The following HMGCLL1 variants were observed in gnomAD, a reference collection of about 807,000 sequenced individuals.
HMGCLL1 encodes the protein 3-hydroxy-3-methylglutaryl-CoA lyase like 1, also known as 3-hydroxymethyl-3-methylglutaryl-CoA lyase, cytoplasmic.
In HMGCLL1, 36 loss-of-function variants were observed where a neutral mutation model predicts 39.1. The ratio of observed to expected loss-of-function variants is 0.92; its 90% CI spans 0.71 to 1.22. The LOEUF is 1.22. Ranked by LOEUF, HMGCLL1 falls within the 50% of genes most tolerant of loss-of-function variation. The pLI, the probability that HMGCLL1 is intolerant of heterozygous loss-of-function variation, is 0.00. For synonymous variants in HMGCLL1, 149 were observed against 144.0 expected (o/e 1.03, Z -0.25); for missense variants, 451 against 416.5 (o/e 1.08, Z -0.72).
At chr6:55,524,449 G>C (rs1332955119) in intron 3 of HMGCLL1, among the ~76,000 whole-genome samples, 4 of 131,606 alleles carry the variant, frequency 3.0e-5, no homozygotes, top group African/African-American at 1.1e-4. Context: ...GTTGTATTTG[G>C]CATTTATAGT....
At chr6:55,602,765 C>A in the HMGCLL1 span, among the ~76,000 whole-genome samples, 1 of 151,902 alleles carries the variant, frequency 6.6e-6, no homozygotes. Flanking sequence ...TGTATTGAAA[C>A]CAATTGGAAA....
intron 7 of HMGCLL1, among the ~76,000 whole-genome samples, chr6:55,458,680 T>A (rs546492740): frequency 6.6e-6 from 1 of 152,296 alleles, no homozygotes; most frequent in African/African-American, 2.4e-5. Flanking sequence ...GGGCCGTGTC[T>A]TATGAATAAG....
chr6:55,499,140 A>G lies in HMGCLL1; in HGVS notation c.606+96T>C. 1.2e-5 allele frequency: 11 copies of G among 940,816 alleles called. 1 individual carries two copies. The South Asian group carries it at 1.5e-4, about 12-fold the overall frequency. 58.3% of individuals were successfully genotyped at this position (940,816 alleles called of 1,614,324 possible). A position where few individuals can be genotyped will look rare whatever the true frequency, so the allele number is the denominator to read the frequency against. ...GGTTCGCCTCTTAATCCATGGCTTC[A>G]TGCTATGCAGATTCAATAAATATTA... On this transcript the variant is annotated intron_variant, in intron 6 of 8. Coordinates refer to ENST00000274901, the MANE Select transcript of HMGCLL1 (RefSeq NM_001042406.2).
chr6:55,660,540 C>T, the HMGCLL1 span, among the ~76,000 whole-genome samples: 1 of 151,914 alleles, frequency 6.6e-6, no homozygotes, highest in African/African-American at 2.4e-5. Flanking sequence ...CTGCAAAAGG[C>T]ATGATCTCAT....
intron 7 of HMGCLL1, among the ~76,000 whole-genome samples, chr6:55,469,267 C>A (rs1346887087): frequency 6.6e-6 from 1 of 150,722 alleles, no homozygotes; most frequent in East Asian, 1.9e-4. Flanking sequence ...AAGCCCATAA[C>A]ATGGAAGTAC....
chr6:55,545,150 C>A (rs1277613009), intron 1 of HMGCLL1, among the ~76,000 whole-genome samples: 1 of 145,404 alleles, frequency 6.9e-6, no homozygotes, highest in African/African-American at 2.6e-5. Flanking sequence ...TGCATTTCAA[C>A]AACAATTAGC....
At chr6:55,613,900 T>A in the HMGCLL1 span, among the ~76,000 whole-genome samples, 1 of 151,840 alleles carries the variant, frequency 6.6e-6, no homozygotes, top group Non-Finnish European at 1.5e-5. Flanking sequence ...GAACAAACCT[T>A]CACATTCTAC....
At chr6:55,553,369 C>T (rs1316629797) in intron 1 of HMGCLL1, among the ~76,000 whole-genome samples, 1 of 150,948 alleles carries the variant, frequency 6.6e-6, no homozygotes, top group Non-Finnish European at 1.5e-5. Context: ...ACCCAGGAGG[C>T]GGAGGTTGTG....
At chr6:55,564,347 C>T (rs1219908815) in intron 1 of HMGCLL1, among the ~76,000 whole-genome samples, 1 of 151,996 alleles carries the variant, frequency 6.6e-6, no homozygotes, top group Non-Finnish European at 1.5e-5. Context: ...TTTCATTAAC[C>T]TCAAAATAGC....
At chr6:55,539,399 T>C (rs923388249) in intron 3 of HMGCLL1, among the ~76,000 whole-genome samples, 191 of 152,264 alleles carry the variant, frequency 1.3e-3, no homozygotes, top group Admixed American at 3.9e-4. Context: ...TGAATGTTCA[T>C]TGCAGCACTA....
At chr6:55,671,318 A>G in the HMGCLL1 span, among the ~76,000 whole-genome samples, 1 of 151,796 alleles carries the variant, frequency 6.6e-6, no homozygotes, top group Non-Finnish European at 1.5e-5. Flanking sequence ...TTTATATGCC[A>G]TTGCTCTTTG....
intron 5 of HMGCLL1, among the ~76,000 whole-genome samples, chr6:55,506,397 C>A (rs1356929680): frequency 1.2e-5 from 1 of 80,886 alleles, no homozygotes; most frequent in East Asian, 2.9e-4. Context: ...CCACCCAGAG[C>A]CACGTGGAAA....
intron 1 of HMGCLL1, among the ~76,000 whole-genome samples, chr6:55,561,394 G>T (rs560429468): frequency 1.3e-5 from 2 of 152,158 alleles, no homozygotes; most frequent in Admixed American, 6.6e-5. Flanking sequence ...TTGCTATATA[G>T]ATCATAAGGC....
intron 7 of HMGCLL1, among the ~76,000 whole-genome samples, chr6:55,473,149 A>T (rs7770184): frequency 0.47 from 70,225 of 150,924 alleles, 16,474 homozygotes; most frequent in East Asian, 0.61. Context: ...AATATTTATA[A>T]TGGATTTTTT....
At chr6:55,549,178 T>A (rs1234271846) in intron 1 of HMGCLL1, among the ~76,000 whole-genome samples, 1 of 151,866 alleles carries the variant, frequency 6.6e-6, no homozygotes, top group African/African-American at 2.4e-5. Context: ...TATTGAAGGT[T>A]AAGATAGTAA....
chr6:55,473,574 A>G (rs1426822116), intron 7 of HMGCLL1, among the ~76,000 whole-genome samples: 1 of 151,450 alleles, frequency 6.6e-6, no homozygotes, highest in Admixed American at 6.6e-5. Flanking sequence ...TCACTTACAC[A>G]TATGCTACAA....
upstream of HMGCLL1, among the ~76,000 whole-genome samples, chr6:55,580,597 A>G (rs912044211): frequency 6.6e-6 from 1 of 151,316 alleles, no homozygotes; most frequent in African/African-American, 2.4e-5. Context: ...TTGTATTTTT[A>G]GTAGAGACGG....
intron 7 of HMGCLL1, among the ~76,000 whole-genome samples, chr6:55,475,037 A>G (rs549955966): frequency 3.4e-4 from 51 of 151,626 alleles, no homozygotes; most frequent in Non-Finnish European, 6.6e-4. Context: ...TCAGACTTGT[A>G]GTGGGCCTGT....
At chr6:55,565,424 T>G (rs575185339) in intron 1 of HMGCLL1, among the ~76,000 whole-genome samples, 7 of 152,136 alleles carry the variant, frequency 4.6e-5, no homozygotes, top group Non-Finnish European at 1.0e-4. Context: ...TAATACTCTA[T>G]TAATGGTTAA....
Sources: gnomAD v4.1 joint callset for allele counts (sites outside exome capture counted in the v4.1 genomes callset) on GRCh38, gnomAD v4.1.1 for gene constraint, MANE v1.5 for transcripts, NCBI Gene and HGNC (gene_info 2026-07-23, HGNC 2026-07-21) for gene names.